The following FBXL7 variants were observed in gnomAD, a reference collection of about 807,000 sequenced individuals.
FBXL7 encodes F-box and leucine rich repeat protein 7.
In FBXL7, 12 loss-of-function variants were observed where a neutral mutation model predicts 38.3. The ratio of observed to expected loss-of-function variants is 0.31; its 90% CI spans 0.20 to 0.51. The LOEUF (loss-of-function observed/expected upper bound fraction) is 0.51. Among genes scored for constraint, FBXL7 ranks in the 20% least tolerant of loss-of-function variants. The pLI is 0.98. For missense variants in FBXL7, 567 were observed against 676.4 expected, an observed-to-expected ratio of 0.84 and a Z score of 1.79; for synonymous variants, 297 against 300.9, an observed-to-expected ratio of 0.99 and a Z score of 0.13.
rs1744116089 is a variant in FBXL7, at chr5:15,718,829, G to C, written c.127+102757G>C. On this transcript the variant is annotated intron_variant, in intron 2 of 3. Transcript: ENST00000504595. ...ACGGAGAATGAATTTCAACTAAGAG[G>C]TGACTGGTTACAAAAGACCTTCACC... Among the ~76,000 whole-genome samples, 3 of 152,204 alleles carry C rather than the reference G, an allele frequency of 2.0e-5. No individual in the cohort carries two copies. In the South Asian group the frequency reaches 6.2e-4, roughly 32 times the overall value.
intron 2 of FBXL7, among the ~76,000 whole-genome samples, chr5:15,743,607 T>C (rs1735944910): frequency 6.6e-6 from 1 of 152,202 alleles, no homozygotes; most frequent in South Asian, 2.1e-4. Context: ...AAGCTGTTCG[T>C]GGATATACCA....
intron 2 of FBXL7, among the ~76,000 whole-genome samples, chr5:15,886,604 A>G (rs888823539): frequency 6.6e-6 from 1 of 152,134 alleles, no homozygotes; most frequent in Non-Finnish European, 1.5e-5. Context: ...AGTTATCCCT[A>G]CTTGGCCCCT....
intron 2 of FBXL7, among the ~76,000 whole-genome samples, chr5:15,688,400 G>T (rs1743082590): frequency 6.6e-6 from 1 of 152,220 alleles, no homozygotes; most frequent in Non-Finnish European, 1.5e-5. Context: ...TGCTTAGTGA[G>T]TGTCAAAAAC....
chr5:15,744,377 G>C (rs1579427133), intron 2 of FBXL7, among the ~76,000 whole-genome samples: 1 of 152,272 alleles, frequency 6.6e-6, no homozygotes, highest in East Asian at 1.9e-4. Flanking sequence ...TGCATAGCAA[G>C]AGTGAACTTT....
At chr5:15,758,996 T>G (rs1165015318) in intron 2 of FBXL7, among the ~76,000 whole-genome samples, 4 of 152,342 alleles carry the variant, frequency 2.6e-5, no homozygotes, top group Non-Finnish European at 4.4e-5. Flanking sequence ...TACACACATT[T>G]GAAATATGCT....
chr5:15,791,644 G>A (rs2126731662), intron 2 of FBXL7, among the ~76,000 whole-genome samples: 2 of 152,304 alleles, frequency 1.3e-5, no homozygotes, highest in South Asian at 4.1e-4. Flanking sequence ...CAGGACAAAA[G>A]GAGAGATACT....
At chr5:15,844,158 C>G (rs923132267) in intron 2 of FBXL7, among the ~76,000 whole-genome samples, 2 of 152,096 alleles carry the variant, frequency 1.3e-5, no homozygotes, top group African/African-American at 4.8e-5. Flanking sequence ...GCTTTTTTAG[C>G]AGGGGAAGGA....
intron 1 of FBXL7, among the ~76,000 whole-genome samples, chr5:15,586,272 C>G (rs375224412): frequency 8.6e-6 from 1 of 116,246 alleles, no homozygotes; most frequent in Non-Finnish European, 1.8e-5. Context: ...TCCCCTCCCC[C>G]CTCCCCCTTG....
At chr5:15,778,040 T>C (rs1736902401) in intron 2 of FBXL7, among the ~76,000 whole-genome samples, 1 of 152,092 alleles carries the variant, frequency 6.6e-6, no homozygotes, top group African/African-American at 2.4e-5. Flanking sequence ...TATTCAAAAT[T>C]AGTCAGAATT....
intron 2 of FBXL7, among the ~76,000 whole-genome samples, chr5:15,690,797 G>A (rs1407049234): frequency 1.3e-5 from 2 of 152,164 alleles, no homozygotes; most frequent in African/African-American, 2.4e-5. Context: ...GAATGTTGTG[G>A]GGGTGGAGGA....
At chr5:15,600,289 G>C (rs1178026812) in intron 1 of FBXL7, among the ~76,000 whole-genome samples, 1 of 152,176 alleles carries the variant, frequency 6.6e-6, no homozygotes, top group Non-Finnish European at 1.5e-5. Flanking sequence ...GAGGGGCACC[G>C]TCAGGCAGTT....
chr5:15,776,699 C>G (rs1736865573), intron 2 of FBXL7, among the ~76,000 whole-genome samples: 1 of 152,112 alleles, frequency 6.6e-6, no homozygotes, highest in Non-Finnish European at 1.5e-5. Flanking sequence ...CTTCATGGCA[C>G]TAACATCAAC....
chr5:15,540,968 T>A (rs932822014), intron 1 of FBXL7, among the ~76,000 whole-genome samples: 5 of 152,144 alleles, frequency 3.3e-5, no homozygotes, highest in Non-Finnish European at 7.3e-5. Context: ...CCATTGACCC[T>A]AGGTTTATTA....
At position 15,514,449 on chromosome 5, in the gene FBXL7, G is replaced by T. The variant is rs140520085; in HGVS notation, c.37+13736G>T. On this transcript the variant is annotated intron_variant, in intron 1 of 3. Coordinates refer to ENST00000504595, the MANE Select transcript of FBXL7 (RefSeq NM_012304.5). The stretch of plus-strand genomic sequence containing the variant: ...GGTAACAAAATGGGACATTGACCAA[G>T]AATGAAATACTGAGTAGAATTATGG... Among the ~76,000 whole-genome samples the T allele has an allele frequency of 5.9e-5, 9 of 152,264 alleles. No individual in the cohort carries two copies. The East Asian group carries it at 1.5e-3, about 26-fold the overall frequency.
chr5:15,719,997 C>T (rs16867617), intron 2 of FBXL7, among the ~76,000 whole-genome samples: 93,797 of 148,072 alleles, frequency 0.63, 32,849 homozygotes, highest in East Asian at 0.78. Flanking sequence ...TGCATCCTGT[C>T]TGTTCAACAA....
At chr5:15,843,339 C>T (rs774081982) in intron 2 of FBXL7, among the ~76,000 whole-genome samples, 14 of 152,118 alleles carry the variant, frequency 9.2e-5, no homozygotes, top group Non-Finnish European at 2.9e-5. Context: ...TGCTTATTGG[C>T]GTGTAGTCTT....
At chr5:15,713,632 T>G (rs1229858868) in intron 2 of FBXL7, among the ~76,000 whole-genome samples, 1 of 152,246 alleles carries the variant, frequency 6.6e-6, no homozygotes, top group Non-Finnish European at 1.5e-5. Context: ...GTCAGTAGCA[T>G]GATTTTTTGT....
chr5:15,560,842 TATA>T (rs914298354), intron 1 of FBXL7, among the ~76,000 whole-genome samples: 97 of 152,170 alleles, frequency 6.4e-4, no homozygotes, highest in African/African-American at 2.3e-3. Context: ...ACATATGTAT[TATA>T]ATATTAATGT....
chr5:15,535,174 T>C (rs553160570), intron 1 of FBXL7, among the ~76,000 whole-genome samples: 2 of 152,264 alleles, frequency 1.3e-5, no homozygotes, highest in African/African-American at 4.8e-5. Flanking sequence ...TCAATTAACC[T>C]CTTTTGTTTA....
Sources: gnomAD v4.1 joint callset for allele counts (sites outside exome capture counted in the v4.1 genomes callset) on GRCh38, gnomAD v4.1.1 for gene constraint, MANE v1.5 for transcripts, NCBI Gene and HGNC (gene_info 2026-07-23, HGNC 2026-07-21) for gene names.